SHC4: variants seen among roughly 807,000 people sequenced by gnomAD.
SHC4 encodes the protein SHC adaptor protein 4.
Under a neutral mutation model 69.4 loss-of-function variants are expected in SHC4, and 41 were observed. The observed-to-expected ratio is 0.59, with a 90% CI of 0.46 to 0.77. SHC4 has a LOEUF of 0.77. SHC4 is among the 30% of genes least tolerant of loss of function. The probability of loss-of-function intolerance (pLI) is 0.00; values close to 1 mark genes in which losing one functional copy is unlikely to be tolerated. For missense variants in SHC4, 777 were observed against 783.8 expected (o/e 0.99, Z 0.10); for synonymous variants, 318 against 299.3 (o/e 1.06, Z -0.64).
At chr15:48,862,782 T>A (rs1424609919) in intron 6 of SHC4, among the ~76,000 whole-genome samples, 1 of 152,168 alleles carries the variant, frequency 6.6e-6, no homozygotes, top group Admixed American at 6.5e-5. Flanking sequence ...ATCTGAGATG[T>A]CTCCTTCAGA....
intron 1 of SHC4, among the ~76,000 whole-genome samples, chr15:48,925,882 A>G (rs1411284237): frequency 6.6e-6 from 1 of 152,214 alleles, no homozygotes. Flanking sequence ...GATTCAAGTG[A>G]CATCATGGAA....
chr15:48,867,173 G>A (rs1899578615), intron 6 of SHC4, among the ~76,000 whole-genome samples: 1 of 152,138 alleles, frequency 6.6e-6, no homozygotes, highest in Non-Finnish European at 1.5e-5. Flanking sequence ...TTGGTGCAAA[G>A]GTAATAGCAG....
chr15:48,826,015 C>G lies in SHC4; in HGVS notation c.1849G>C (p.Val617Leu), dbSNP rs149855848. The G allele has an allele frequency of 6.2e-7, 1 of 1,613,902 alleles. No homozygotes were observed. Among genetic ancestry groups the G allele is most frequent in the Non-Finnish European group, 8.5e-7 (1 of 1,179,912 alleles). The change falls in exon 12 of 12, where the codon GTG becomes CTG. Residue 617 changes from valine to leucine, a missense_variant. Val to Leu is a conservative substitution (Grantham distance 32). Transcript: ENST00000332408. Reference sequence around the variant, plus strand: ...AGTGCTGGATTATTATCTTTTCTCACTGGTTGTTTAAGGCTTACTTCGCTT... The same window carrying G: ...AGTGCTGGATTATTATCTTTTCTCAGTGGTTGTTTAAGGCTTACTTCGCTT... ...SGSEVSLKQPVRKDNNPALLH... is the reference protein window; with the variant it reads ...SGSEVSLKQPLRKDNNPALLH...
chr15:48,865,492 G>A (rs1899543345), intron 6 of SHC4, among the ~76,000 whole-genome samples: 2 of 152,166 alleles, frequency 1.3e-5, no homozygotes, highest in Non-Finnish European at 2.9e-5. Context: ...GATGTAATAA[G>A]GGAGGAAAGA....
At position 48,824,924 on chromosome 15, in the gene SHC4, A is replaced by G. The variant is rs569527204; in HGVS notation, c.*1047T>C. The G allele has an allele frequency of 1.5e-4, 7 of 45,768 alleles. No homozygotes were observed. The highest frequency in any genetic ancestry group is 2.6e-4 in the African/African-American group (4 of 15,102). 2.8% of individuals were successfully genotyped at this position (45,768 alleles called of 1,614,324 possible). A position where few individuals can be genotyped will look rare whatever the true frequency, so the allele number is the denominator to read the frequency against. ...AAAATCTTTCCAAGTGCTTCATTCAATATGTTTTTTTTTCCTTCTGCATTT... is the reference window on the plus strand; with the variant it reads ...AAAATCTTTCCAAGTGCTTCATTCAGTATGTTTTTTTTTCCTTCTGCATTT... On this transcript the variant is annotated 3_prime_UTR_variant, in exon 12 of 12. Transcript: ENST00000332408.
intron 10 of SHC4, among the ~76,000 whole-genome samples, chr15:48,841,885 T>C (rs1595728402): frequency 6.6e-6 from 1 of 152,258 alleles, no homozygotes; most frequent in African/African-American, 2.4e-5. Flanking sequence ...GTTCTTAATC[T>C]AGACAGTTAA....
chr15:48,877,522 A>G, intron 4 of SHC4: 1 of 984,896 alleles, frequency 1.0e-6, no homozygotes, highest in East Asian at 1.1e-4. Context: ...GTCAATACAT[A>G]AAGATACATG....
At chr15:48,890,677 G>A (rs927810782) in intron 3 of SHC4, 71 bp downstream of exon 3, 9 of 1,575,354 alleles carry the variant, frequency 5.7e-6, no homozygotes, top group South Asian at 1.1e-5. Context: ...TGGGATGAAC[G>A]AACAGCGATT....
intron 1 of SHC4, among the ~76,000 whole-genome samples, chr15:48,955,498 C>G (rs769161962): frequency 2.0e-5 from 3 of 152,062 alleles, no homozygotes; most frequent in East Asian, 3.9e-4. Flanking sequence ...GGAAATGACC[C>G]TAAGGTCATT....
chr15:48,870,677 CAAA>C (rs536015484), intron 5 of SHC4, among the ~76,000 whole-genome samples: 1 of 124,540 alleles, frequency 8.0e-6, no homozygotes. Context: ...GACGCCGTCT[CAAA>C]AAAAAAAAAA....
In SHC4 at chr15:48,825,294, A is replaced by C. The variant is rs1330271524; in HGVS notation, c.*677T>G. On this transcript the variant is annotated 3_prime_UTR_variant, in exon 12 of 12. Transcript: ENST00000332408. ...ACAGTCTGAATAGCAAACACTGAGA[A>C]ATGCTAGGCCAGAGGATTTGGGCCC... is the stretch of plus-strand genomic sequence containing the variant. The C allele has an allele frequency of 6.6e-6, 1 of 152,136 alleles. No individual in the cohort carries two copies. Among genetic ancestry groups the C allele is most frequent in the East Asian group, 1.9e-4 (1 of 5,194 alleles). 9.4% of individuals were successfully genotyped at this position (152,136 alleles called of 1,614,324 possible). A position where few individuals can be genotyped will look rare whatever the true frequency, so the allele number is the denominator to read the frequency against.
intron 2 of SHC4, among the ~76,000 whole-genome samples, chr15:48,896,508 A>C (rs1900224229): frequency 6.6e-6 from 1 of 151,982 alleles, no homozygotes; most frequent in African/African-American, 2.4e-5. Context: ...TTTAGTAGAG[A>C]TGGGATTTCG....
intron 1 of SHC4, among the ~76,000 whole-genome samples, chr15:48,959,460 T>C: frequency 6.6e-6 from 1 of 152,202 alleles, no homozygotes; most frequent in East Asian, 1.9e-4. Flanking sequence ...ATAATACATA[T>C]TTGTTAAATA....
intron 1 of SHC4, among the ~76,000 whole-genome samples, chr15:48,949,188 G>A (rs1901326355): frequency 6.6e-6 from 1 of 151,540 alleles, no homozygotes; most frequent in African/African-American, 2.4e-5. Flanking sequence ...TGGCTAACAC[G>A]GTGAAACTCC....
Position 48,835,017 on chromosome 15 carries a change from G to A in SHC4, c.1489C>T (p.Pro497Ser). The stretch of plus-strand genomic sequence containing the variant: ...GTGGCACCCGGCTGAACAGTTTCTG[G>A]TGCCTCTGAAGTCAGAACACAAAGA... ...LGSPWHCGKA[P>S]ETVQPGATAQ... The change falls in exon 11 of 12, where the codon CCA (proline) becomes TCA (serine). Residue 497 changes from proline to serine, a missense_variant. Pro to Ser is a moderately conservative substitution (Grantham distance 74). Coordinates refer to ENST00000332408, the MANE Select transcript of SHC4 (RefSeq NM_203349.4). The A allele has an allele frequency of 1.2e-6, 2 of 1,609,858 alleles. No homozygotes were observed. The highest frequency in any genetic ancestry group is 1.7e-6 in the Non-Finnish European group (2 of 1,178,114).
chr15:48,953,902 G>C (rs1434352267), intron 1 of SHC4, among the ~76,000 whole-genome samples: 1 of 152,122 alleles, frequency 6.6e-6, no homozygotes, highest in Non-Finnish European at 1.5e-5. Context: ...ATATTGTTTG[G>C]GTGGAAAGTG....
chr15:48,903,129 G>C (rs1318378935), intron 2 of SHC4, among the ~76,000 whole-genome samples: 1 of 152,142 alleles, frequency 6.6e-6, no homozygotes, highest in Non-Finnish European at 1.5e-5. Flanking sequence ...AGTAAGTGCA[G>C]CTCTCAAAAA....
chr15:48,939,924 C>T (rs1901143855), intron 1 of SHC4, among the ~76,000 whole-genome samples: 1 of 152,234 alleles, frequency 6.6e-6, no homozygotes, highest in African/African-American at 2.4e-5. Flanking sequence ...AATCTAAAGA[C>T]TAGGCCTGCC....
At chr15:48,920,181 AT>A (rs11390740) in intron 2 of SHC4, among the ~76,000 whole-genome samples, 256 of 146,074 alleles carry the variant, frequency 1.8e-3, no homozygotes, top group Middle Eastern at 3.4e-3. Flanking sequence ...CGCCTGGCTA[AT>A]TTTTTTTTTT....
Sources: allele counts gnomAD v4.1 joint callset (sites outside exome capture counted in the v4.1 genomes callset), GRCh38; gene constraint gnomAD v4.1.1; transcripts MANE v1.5; gene names NCBI Gene and HGNC (gene_info 2026-07-23, HGNC 2026-07-21).